G3BP1: variants seen among roughly 807,000 people sequenced by gnomAD.
G3BP1 encodes the protein G3BP stress granule assembly factor 1, also known as ras GTPase-activating protein-binding protein 1.
A neutral mutation model predicts 58.6 loss-of-function variants in G3BP1; 35 were observed. That is an observed-to-expected ratio of 0.60 (90% confidence interval 0.46 to 0.79). G3BP1 has a LOEUF of 0.79. G3BP1 is among the 30% of genes least tolerant of loss of function. The pLI, the probability that G3BP1 is intolerant of heterozygous loss-of-function variation, is 0.00. For missense variants in G3BP1, 523 were observed against 580.8 expected (o/e 0.90, Z 1.02); for synonymous variants, 191 against 195.4 (o/e 0.98, Z 0.19).
chr5:151,784,779 TTGG>T (rs1762531277), intron 1 of G3BP1, among the ~76,000 whole-genome samples: 1 of 152,152 alleles, frequency 6.6e-6, no homozygotes, highest in South Asian at 2.1e-4. Context: ...CTTGAGCTCT[TTGG>T]TGGATATTTA....
intron 2 of G3BP1, among the ~76,000 whole-genome samples, chr5:151,788,764 C>T (rs959724150): frequency 6.6e-6 from 1 of 151,882 alleles, no homozygotes; most frequent in Admixed American, 6.6e-5. Context: ...TGGGTGCGCA[C>T]CACCACCATG....
intron 1 of G3BP1, among the ~76,000 whole-genome samples, chr5:151,781,860 T>G (rs2113221695): frequency 6.6e-6 from 1 of 152,358 alleles, no homozygotes; most frequent in Non-Finnish European, 1.5e-5. Context: ...CTATTAGTAG[T>G]TAAAATTTTG....
At chr5:151,798,181 T>C (rs766454438) in intron 7 of G3BP1, among the ~76,000 whole-genome samples, 2 of 152,144 alleles carry the variant, frequency 1.3e-5, no homozygotes, top group African/African-American at 2.4e-5. Context: ...GAAATGACTT[T>C]AGCTTGCAAG....
chr5:151,797,953 A>G (rs72800300), intron 7 of G3BP1, among the ~76,000 whole-genome samples: 3,566 of 150,364 alleles, frequency 0.024, 69 homozygotes, highest in Middle Eastern at 0.044. Flanking sequence ...GTGATTGTTA[A>G]CTGAACTATC....
chr5:151,777,189 C>T (rs1437106385), intron 1 of G3BP1, among the ~76,000 whole-genome samples: 1 of 152,148 alleles, frequency 6.6e-6, no homozygotes, highest in Non-Finnish European at 1.5e-5. Flanking sequence ...ATTCATGTTA[C>T]TCCAGTTCTG....
At position 151,786,244 on chromosome 5, in the gene G3BP1, G is replaced by A. The variant is rs1187161224; in HGVS notation, c.-49-328G>A. On this transcript the variant is annotated intron_variant, in intron 1 of 11. Coordinates refer to ENST00000356245, the MANE Select transcript of G3BP1 (RefSeq NM_005754.3). ...GTGGAGGTTGTGGTGAGCCGAGATC[G>A]CACCACTGCACTCCAGCCTGGGCAA... Among the ~76,000 whole-genome samples the A allele has an allele frequency of 3.3e-5, 5 of 152,222 alleles. 1 individual carries two copies. The highest frequency in any genetic ancestry group is 6.8e-3 in the Middle Eastern group (2 of 294).
intron 1 of G3BP1, among the ~76,000 whole-genome samples, chr5:151,785,811 C>G (rs191593588): frequency 1.2e-3 from 186 of 152,134 alleles, no homozygotes; most frequent in Non-Finnish European, 1.6e-3. Flanking sequence ...AATTTTTAGT[C>G]TTGTAGTTTC....
At position 151,790,909 on chromosome 5, in the gene G3BP1, G is replaced by T; in HGVS notation, c.198G>T (p.Met66Ile). 6.3e-7 allele frequency: 1 copy of T among 1,595,558 alleles called. No homozygotes were observed. Among genetic ancestry groups the T allele is most frequent in the Non-Finnish European group, 8.6e-7 (1 of 1,166,244 alleles). The change falls in exon 4 of 12, where the codon ATG (methionine) becomes ATT (isoleucine). Residue 66 changes from methionine to isoleucine, a missense_variant. This residue lies in a region of G3BP1 where 398 missense variants were observed against 399.1 expected (regional missense o/e 1.00). Transcript: ENST00000356245. ...YGQKEIHRKVMSQNFTNCHTK... is the reference protein window; with the variant it reads ...YGQKEIHRKVISQNFTNCHTK... ...TTAAGGAAATCCACAGGAAAGTGAT[G>T]TCACAAAACTTCACCAACTGCCACA...
At position 151,809,620 on chromosome 5, in the gene G3BP1, A is replaced by T. The variant is rs1762986951; in HGVS notation, c.*5529A>T. On this transcript the variant is annotated 3_prime_UTR_variant, in exon 12 of 12. Coordinates refer to ENST00000356245, the MANE Select transcript of G3BP1 (RefSeq NM_005754.3). ...TCATAGAATGTTAGTGCTGGAAAGGACTAGGAAGTGACTTGTACAACCCCT... is the reference window on the plus strand; with the variant it reads ...TCATAGAATGTTAGTGCTGGAAAGGTCTAGGAAGTGACTTGTACAACCCCT... 1 of 152,204 alleles carries T rather than the reference A, an allele frequency of 6.6e-6. No individual in the cohort carries two copies. The highest frequency in any genetic ancestry group is 2.4e-5 in the African/African-American group (1 of 41,454). 9.4% of individuals were successfully genotyped at this position (152,204 alleles called of 1,614,324 possible). A position where few individuals can be genotyped will look rare whatever the true frequency, so the allele number is the denominator to read the frequency against.
chr5:151,794,634 C>T (rs1277611716), intron 5 of G3BP1, among the ~76,000 whole-genome samples: 3 of 152,190 alleles, frequency 2.0e-5, no homozygotes, highest in African/African-American at 7.2e-5. Context: ...AGGCAGTAAA[C>T]ATGACTACTC....
Position 151,804,725 on chromosome 5 carries a change from A to G in G3BP1, c.*634A>G, listed in dbSNP as rs946759241. The G allele has an allele frequency of 9.2e-5, 14 of 152,634 alleles. No individual in the cohort carries two copies. The highest frequency in any genetic ancestry group is 3.4e-4 in the African/African-American group (14 of 41,454). 9.5% of individuals were successfully genotyped at this position (152,634 alleles called of 1,614,324 possible). ...CTAACTGTTTTTACCATTGAAATTT[A>G]AATTGTGATAATAGGTTTTAAATGT... On this transcript the variant is annotated 3_prime_UTR_variant, in exon 12 of 12. Coordinates refer to ENST00000356245, the MANE Select transcript of G3BP1 (RefSeq NM_005754.3).
intron 6 of G3BP1, among the ~76,000 whole-genome samples, chr5:151,796,756 C>T (rs1762758099): frequency 6.6e-6 from 1 of 152,060 alleles, no homozygotes; most frequent in Non-Finnish European, 1.5e-5. Flanking sequence ...GTGTAAAGTA[C>T]AGTAGTGTTA....
chr5:151,790,827 G>T (rs984833126), intron 3 of G3BP1, 62 bp from the exon 4 acceptor site: 30 of 948,786 alleles, frequency 3.2e-5, no homozygotes, highest in Non-Finnish European at 4.2e-5. Context: ...TTTTTAGTTG[G>T]AGGTTATTTA....
At chr5:151,779,086 G>A (rs1329961972) in intron 1 of G3BP1, among the ~76,000 whole-genome samples, 2 of 151,870 alleles carry the variant, frequency 1.3e-5, no homozygotes, top group East Asian at 1.9e-4. Flanking sequence ...TCAGGTAAAT[G>A]CCTTGCAAAT....
intron 4 of G3BP1, 22 bp from the exon 5 acceptor site, chr5:151,794,137 A>C (rs757052751): frequency 6.2e-6 from 9 of 1,452,786 alleles, no homozygotes; most frequent in Non-Finnish European, 8.7e-6. Context: ...GAATAAATTA[A>C]AACTTTCTGT....
At chr5:151,777,776 T>A (rs1314043879) in intron 1 of G3BP1, among the ~76,000 whole-genome samples, 3 of 152,198 alleles carry the variant, frequency 2.0e-5, no homozygotes, top group Non-Finnish European at 4.4e-5. Flanking sequence ...ATTGTGAACC[T>A]ATCCATTACC....
chr5:151,772,213 C>T (rs920587852), intron 1 of G3BP1, 177 bp downstream of exon 1: 4 of 150,034 alleles, frequency 2.7e-5, no homozygotes, highest in Non-Finnish European at 5.9e-5. Flanking sequence ...CGCGGCGGCT[C>T]CTCGCTCCCG....
Position 151,800,363 on chromosome 5 carries a change from T to C in G3BP1, c.1084+17T>C. On this transcript the variant is annotated intron_variant, in intron 10 of 11. Coordinates refer to ENST00000356245, the MANE Select transcript of G3BP1 (RefSeq NM_005754.3). Reference sequence around the variant, plus strand: ...TCTTTCAAAGTAGGTTATTGAGTTTTGAACACTAAATTCATCTAGTGTCTC... The same window carrying C: ...TCTTTCAAAGTAGGTTATTGAGTTTCGAACACTAAATTCATCTAGTGTCTC... 1.2e-6 allele frequency: 2 copies of C among 1,601,740 alleles called. No homozygotes were observed. Among genetic ancestry groups the C allele is most frequent in the Non-Finnish European group, 1.7e-6 (2 of 1,168,998 alleles).
At position 151,797,164 on chromosome 5, in the gene G3BP1, T is replaced by C. The variant is rs569494068; in HGVS notation, c.540-63T>C. The C allele has an allele frequency of 1.0e-4, 157 of 1,523,144 alleles. No homozygotes were observed. In the Middle Eastern group the frequency reaches 1.8e-3, roughly 17 times the overall value. 94.4% of individuals were successfully genotyped at this position (1,523,144 alleles called of 1,614,324 possible). A position where few individuals can be genotyped will look rare whatever the true frequency, so the allele number is the denominator to read the frequency against. On this transcript the variant is annotated intron_variant, in intron 6 of 11. Coordinates refer to ENST00000356245, the MANE Select transcript of G3BP1 (RefSeq NM_005754.3). ...GTTCTGGTTTCTGATTAATAAATGA[T>C]GGAGGAATTTTTTGTGAAATAAATG... is the stretch of plus-strand genomic sequence containing the variant.
Sources: allele counts gnomAD v4.1 joint callset (sites outside exome capture counted in the v4.1 genomes callset), GRCh38; gene constraint gnomAD v4.1.1; regional missense constraint gnomAD v4.1.1; transcripts MANE v1.5; gene names NCBI Gene and HGNC (gene_info 2026-07-23, HGNC 2026-07-21).